The following FHIP1A variants were observed in gnomAD, a reference collection of about 807,000 sequenced individuals.
The protein encoded by FHIP1A is FHF complex subunit HOOK-interacting protein 1A.
Under a neutral mutation model 88.6 loss-of-function variants are expected in FHIP1A, and 61 were observed. The ratio of observed to expected loss-of-function variants is 0.69; its 90% confidence interval spans 0.56 to 0.85. FHIP1A has a LOEUF of 0.85. Among genes scored for constraint, FHIP1A ranks in the 40% least tolerant of loss-of-function variants. The pLI is 0.00. For synonymous variants in FHIP1A, 478 were observed against 496.0 expected (o/e 0.96, Z 0.48); for missense variants, 1,154 against 1,273.5 (o/e 0.91, Z 1.43).
intron 7 of FHIP1A, among the ~76,000 whole-genome samples, chr4:151,594,598 A>G (rs148294807): frequency 0.011 from 1,585 of 143,742 alleles, 26 homozygotes; most frequent in African/African-American, 0.039. Context: ...TTTTTTTGAG[A>G]TGGAATCTCG....
Position 151,649,623 on chromosome 4 carries a change from GACTC to G in FHIP1A, c.1583_1586del (p.Asp528AlafsTer11). On this transcript the variant is annotated frameshift_variant, in exon 11 of 14. Transcript: ENST00000435205. LOFTEE classifies it high-confidence loss of function. ...TGTCTGGTCCGCCCTGTATGATGGCGACTCCCCCGACCCTGAGATGTTTCTCCAG... is the reference window on the plus strand; with the variant it reads ...TGTCTGGTCCGCCCTGTATGATGGCGCCCCGACCCTGAGATGTTTCTCCAG... 2.6e-6 allele frequency: 4 copies of G among 1,551,652 alleles called. No homozygotes were observed. The highest frequency in any genetic ancestry group is 3.5e-6 in the Non-Finnish European group (4 of 1,146,972).
At chr4:151,575,540 G>C (rs1733755155) in intron 4 of FHIP1A, among the ~76,000 whole-genome samples, 1 of 152,164 alleles carries the variant, frequency 6.6e-6, no homozygotes, top group African/African-American at 2.4e-5. Context: ...TCTAGTGGCT[G>C]TCTTGTGGCC....
chr4:151,515,071 C>T (rs914241709), intron 3 of FHIP1A, among the ~76,000 whole-genome samples: 5 of 152,062 alleles, frequency 3.3e-5, no homozygotes, highest in African/African-American at 9.7e-5. Flanking sequence ...TACTGGCAAA[C>T]TGAATCCAGC....
At chr4:151,527,874 A>C (rs563437284) in intron 3 of FHIP1A, among the ~76,000 whole-genome samples, 1 of 150,986 alleles carries the variant, frequency 6.6e-6, no homozygotes, top group South Asian at 2.1e-4. Context: ...GCTGCAAAAA[A>C]CCACTCAATG....
chr4:151,533,531 G>C (rs1731959878), intron 3 of FHIP1A, among the ~76,000 whole-genome samples: 1 of 152,212 alleles, frequency 6.6e-6, no homozygotes, highest in Admixed American at 6.5e-5. Flanking sequence ...TTGAAAATTT[G>C]TAGAGTATGC....
chr4:151,597,819 G>T (rs1709092943), intron 7 of FHIP1A, among the ~76,000 whole-genome samples: 1 of 152,160 alleles, frequency 6.6e-6, no homozygotes, highest in African/African-American at 2.4e-5. Flanking sequence ...AGGTGACTTT[G>T]TTTATACTGT....
intron 8 of FHIP1A, among the ~76,000 whole-genome samples, chr4:151,637,871 T>G (rs1736413442): frequency 1.3e-5 from 2 of 152,198 alleles, no homozygotes; most frequent in South Asian, 4.1e-4. Context: ...GTTGTAGATT[T>G]CATTGGCCAG....
rs117972537 is a variant in FHIP1A, at chr4:151,572,741, T to C, written c.106-4709T>C. On this transcript the variant is annotated intron_variant, in intron 4 of 13. Coordinates refer to ENST00000435205, the MANE Select transcript of FHIP1A (RefSeq NM_001109977.3). ...TTTGGAAGTATGGGTTTTACACATATGACTTTCTTAAAATAACTAGGCTCT... is the reference window on the plus strand; with the variant it reads ...TTTGGAAGTATGGGTTTTACACATACGACTTTCTTAAAATAACTAGGCTCT... 4.3e-4 allele frequency among the ~76,000 whole-genome samples: 65 copies of C among 152,366 alleles called. 1 individual carries two copies. The East Asian group carries it at 8.9e-3, about 21-fold the overall frequency.
At chr4:151,638,868 C>G (rs1166365507) in intron 9 of FHIP1A, 112 bp downstream of exon 9, 5 of 488,506 alleles carry the variant, frequency 1.0e-5, no homozygotes, top group Non-Finnish European at 1.7e-5. Context: ...GTTGTATAAG[C>G]TAAAAAGGCG....
intron 1 of FHIP1A, among the ~76,000 whole-genome samples, chr4:151,418,172 T>TAAAAAA (rs1040622837): frequency 6.4e-5 from 5 of 77,942 alleles, no homozygotes; most frequent in Non-Finnish European, 9.4e-5. Flanking sequence ...AACCTATCTC[T>TAAAAAA]AAAAAAAAAA....
In FHIP1A at chr4:151,669,215, T is replaced by G. The variant is rs1028001724; in HGVS notation, c.*6461T>G. On this transcript the variant is annotated 3_prime_UTR_variant, in exon 14 of 14. Coordinates refer to ENST00000435205, the MANE Select transcript of FHIP1A (RefSeq NM_001109977.3). Reference sequence around the variant, plus strand: ...TCCTAGCAGCAGTGATGATATCAACTTACAAGGTTTGGCTTTCAGGATTTC... The same window carrying G: ...TCCTAGCAGCAGTGATGATATCAACGTACAAGGTTTGGCTTTCAGGATTTC... 6.6e-6 allele frequency among the ~76,000 whole-genome samples: 1 copy of G among 152,226 alleles called. No homozygotes were observed. Among genetic ancestry groups the G allele is most frequent in the South Asian group, 2.1e-4 (1 of 4,826 alleles).
chr4:151,589,077 A>T (rs973269667), intron 7 of FHIP1A, among the ~76,000 whole-genome samples, 151 bp downstream of exon 7: 9 of 152,208 alleles, frequency 5.9e-5, no homozygotes, highest in African/African-American at 2.2e-4. Context: ...AAACACAGGT[A>T]TTAAAATGGC....
intron 5 of FHIP1A, among the ~76,000 whole-genome samples, chr4:151,584,454 A>G (rs970284526): frequency 6.6e-5 from 10 of 152,190 alleles, no homozygotes; most frequent in Non-Finnish European, 1.5e-4. Context: ...TAACATACCT[A>G]GGCCCACACC....
intron 7 of FHIP1A, among the ~76,000 whole-genome samples, chr4:151,599,264 G>T (rs926507316): frequency 6.6e-6 from 1 of 152,152 alleles, no homozygotes; most frequent in Non-Finnish European, 1.5e-5. Flanking sequence ...CAGATAAATG[G>T]GACGGCCCTT....
chr4:151,600,786 C>T (rs531356533), intron 7 of FHIP1A, among the ~76,000 whole-genome samples: 6 of 152,244 alleles, frequency 3.9e-5, no homozygotes, highest in Non-Finnish European at 1.5e-5. Context: ...AGCATGGCAG[C>T]CTCCGGTAAT....
intron 7 of FHIP1A, among the ~76,000 whole-genome samples, chr4:151,621,262 A>T (rs1300575232): frequency 6.6e-6 from 1 of 152,082 alleles, no homozygotes; most frequent in African/African-American, 2.4e-5. Context: ...CTCTGTGATT[A>T]TCCAGTGCCA....
At chr4:151,535,456 A>G (rs1440642698) in intron 3 of FHIP1A, among the ~76,000 whole-genome samples, 1 of 152,192 alleles carries the variant, frequency 6.6e-6, no homozygotes, top group Non-Finnish European at 1.5e-5. Context: ...AACATACACA[A>G]TCCCACTTTC....
At position 151,650,255 on chromosome 4, in the gene FHIP1A, C is replaced by T; in HGVS notation, c.2214C>T (p.Ser738=). ...CCCCTGCCCCTGAGGCAGAGCACAG[C>T]TCTAACCTGACAGCCGCCCACCCGG... ...LASPAPEAEH[S]SNLTAAHPES... The change falls in exon 11 of 14, where the codon AGC becomes AGT. Residue 738 remains serine (S), a synonymous_variant. Coordinates refer to ENST00000435205, the MANE Select transcript of FHIP1A (RefSeq NM_001109977.3). The T allele has an allele frequency of 6.4e-7, 1 of 1,551,748 alleles. No homozygotes were observed.
chr4:151,624,444 G>C (rs998930073), intron 7 of FHIP1A, among the ~76,000 whole-genome samples: 7 of 152,194 alleles, frequency 4.6e-5, no homozygotes, highest in African/African-American at 1.7e-4. Context: ...AATTCCATTG[G>C]GGAGATGAGC....
Sources: gnomAD v4.1 joint callset for allele counts (sites outside exome capture counted in the v4.1 genomes callset) on GRCh38, gnomAD v4.1.1 for gene constraint, MANE v1.5 for transcripts, NCBI Gene and HGNC (gene_info 2026-07-23, HGNC 2026-07-21) for gene names.